Variants in SULF2 observed in about 807,000 individuals in gnomAD.
The protein encoded by SULF2 is extracellular sulfatase Sulf-2.
In SULF2, 52 loss-of-function variants were observed where a neutral mutation model predicts 107.7. The observed-to-expected ratio is 0.48, with a 90% CI of 0.39 to 0.61. The LOEUF (loss-of-function observed/expected upper bound fraction) is 0.61. SULF2 is among the 20% of genes least tolerant of loss of function. SULF2 has a pLI of 0.00. For synonymous variants in SULF2, 460 were observed against 464.3 expected, an observed-to-expected ratio of 0.99 and a Z score of 0.12; for missense variants, 993 against 1,177.3, an observed-to-expected ratio of 0.84 and a Z score of 2.29.
chr20:47,777,624 A>G (rs1366404858), intron 1 of SULF2, among the ~76,000 whole-genome samples: 3 of 152,208 alleles, frequency 2.0e-5, no homozygotes, highest in Non-Finnish European at 2.9e-5. Flanking sequence ...GATTCCTCAT[A>G]ATGAAACCAT....
At chr20:47,695,563 C>G (rs1220354547) in intron 4 of SULF2, among the ~76,000 whole-genome samples, 1 of 152,196 alleles carries the variant, frequency 6.6e-6, no homozygotes, top group East Asian at 1.9e-4. Context: ...GTTTATTTCA[C>G]TTAGCATAAT....
chr20:47,668,507 G>A (rs919672303), intron 11 of SULF2, among the ~76,000 whole-genome samples: 1 of 152,200 alleles, frequency 6.6e-6, no homozygotes, highest in African/African-American at 2.4e-5. Flanking sequence ...ACAGGGAATG[G>A]GACAGGACTT....
chr20:47,758,962 C>T (rs2146915848), intron 1 of SULF2, among the ~76,000 whole-genome samples: 1 of 152,312 alleles, frequency 6.6e-6, no homozygotes, highest in Admixed American at 6.5e-5. Context: ...GTGCTGCCTG[C>T]TTCATCTCTC....
At chr20:47,684,883 T>C in intron 5 of SULF2, 1 of 282,828 alleles carries the variant, frequency 3.5e-6, no homozygotes. Context: ...GCAAAGTCTG[T>C]TTGGTGCTAG....
At chr20:47,722,219 T>G (rs1161882310) in intron 3 of SULF2, among the ~76,000 whole-genome samples, 1 of 152,224 alleles carries the variant, frequency 6.6e-6, no homozygotes, top group Non-Finnish European at 1.5e-5. Context: ...TTGTTTTTAT[T>G]TTTTTGCTGA....
At chr20:47,759,251 T>C (rs73136828) in intron 1 of SULF2, among the ~76,000 whole-genome samples, 38,640 of 152,108 alleles carry the variant, frequency 0.25, 5,767 homozygotes, top group Non-Finnish European at 0.34. Flanking sequence ...AGATGCAAAC[T>C]TCTTGCCAGG....
chr20:47,676,709 C>A (rs930046879), intron 9 of SULF2, 86 bp from the exon 10 acceptor site: 3 of 1,489,570 alleles, frequency 2.0e-6, no homozygotes, highest in African/African-American at 2.8e-5. Context: ...TAGAGGGGTG[C>A]CCCCTCGGCT....
Position 47,690,161 on chromosome 20 carries a change from T to C in SULF2, c.702A>G (p.Gln234=), listed in dbSNP as rs778104814. ...APHGPEDSAP[Q]YSRLFPNASQ... is the part of the protein sequence containing the mutation. ...ATGCGTTTGGGAAGAGGCGTGAATA[T>C]TGTGGGGCTGAATCCTCAGGGCCGT... The change falls in exon 5 of 21, where the codon CAA becomes CAG. Residue 234 remains glutamine, a synonymous_variant. Coordinates refer to ENST00000688720, the MANE Select transcript of SULF2 (RefSeq NM_001387048.1). 3.2e-6 allele frequency: 5 copies of C among 1,543,820 alleles called. No individual in the cohort carries two copies. Among genetic ancestry groups the C allele is most frequent in the Non-Finnish European group, 3.5e-6 (4 of 1,140,702 alleles).
At chr20:47,755,205 G>A (rs2090253199) in intron 2 of SULF2, among the ~76,000 whole-genome samples, 1 of 152,190 alleles carries the variant, frequency 6.6e-6, no homozygotes, top group South Asian at 2.1e-4. Context: ...TTTTCCATCT[G>A]TCAAATGGAG....
At position 47,690,187 on chromosome 20, in the gene SULF2, G is replaced by C; in HGVS notation, c.676C>G (p.His226Asp). The C allele has an allele frequency of 6.4e-7, 1 of 1,568,764 alleles. No individual in the cohort carries two copies. The highest frequency in any genetic ancestry group is 8.7e-7 in the Non-Finnish European group (1 of 1,154,090). The change falls in exon 5 of 21, where the codon CAC (histidine) becomes GAC (aspartate). Residue 226 changes from histidine (H) to aspartate (D), a missense_variant. Physicochemically the swap from His to Asp is moderately conservative, Grantham distance 81. This residue lies in a region of SULF2 where 388 missense variants were observed against 449.2 expected (regional missense o/e 0.86). Coordinates refer to ENST00000688720, the MANE Select transcript of SULF2 (RefSeq NM_001387048.1). ...TGTGGGGCTGAATCCTCAGGGCCGTGGGGGGCTGCATGGCTGATGACCATG... is the reference window on the plus strand; with the variant it reads ...TGTGGGGCTGAATCCTCAGGGCCGTCGGGGGCTGCATGGCTGATGACCATG... Reference protein sequence around the residue: ...VLMVISHAAPHGPEDSAPQYS... With the variant: ...VLMVISHAAPDGPEDSAPQYS...
intron 14 of SULF2, 92 bp downstream of exon 14, chr20:47,665,107 A>C (rs1253921489): frequency 3.5e-6 from 3 of 850,444 alleles, no homozygotes; most frequent in East Asian, 4.8e-5. Flanking sequence ...GATAAAAATA[A>C]AAAATGAAAG....
chr20:47,677,041 G>A (rs772262775), intron 9 of SULF2, 37 bp downstream of exon 9: 1 of 1,606,860 alleles, frequency 6.2e-7, no homozygotes, highest in South Asian at 1.1e-5. Flanking sequence ...AGGGAGGGAG[G>A]TGGGCAGGGG....
At chr20:47,780,893 G>A (rs1042680061) in intron 1 of SULF2, among the ~76,000 whole-genome samples, 4 of 152,174 alleles carry the variant, frequency 2.6e-5, no homozygotes, top group South Asian at 4.2e-4. Flanking sequence ...CCTGCATTAG[G>A]CAGGAAGACA....
intron 2 of SULF2, among the ~76,000 whole-genome samples, chr20:47,756,591 G>A (rs2090289548): frequency 1.3e-5 from 2 of 151,410 alleles, no homozygotes; most frequent in South Asian, 4.2e-4. Context: ...ATGATTGACA[G>A]TCTTTGCCAC....
At chr20:47,689,280 G>C (rs565813682) in intron 5 of SULF2, among the ~76,000 whole-genome samples, 1 of 152,216 alleles carries the variant, frequency 6.6e-6, no homozygotes, top group Non-Finnish European at 1.5e-5. Flanking sequence ...TAGAAGGACC[G>C]GTCTGTGTGA....
chr20:47,680,292 G>A lies in SULF2; in HGVS notation c.1065-1488C>T, dbSNP rs977455361. On this transcript the variant is annotated intron_variant, in intron 7 of 20. Coordinates refer to ENST00000688720, the MANE Select transcript of SULF2 (RefSeq NM_001387048.1). This position sits in a 1 kb window ranked among gnomAD's most constrained non-coding sequence, Gnocchi z 4.2. ...TAATTTTTGTACTTTTAGTAGAGGT[G>A]GGGTTTCACCATGTTGGCCAGGCTA... Among the ~76,000 whole-genome samples, 1 of 152,214 alleles carries A rather than the reference G, an allele frequency of 6.6e-6. No individual in the cohort carries two copies. The highest frequency in any genetic ancestry group is 1.9e-4 in the East Asian group (1 of 5,176).
chr20:47,735,176 G>A (rs1273442362), intron 3 of SULF2, among the ~76,000 whole-genome samples: 7 of 152,114 alleles, frequency 4.6e-5, no homozygotes, highest in African/African-American at 1.7e-4. Flanking sequence ...GCTGTGAAAT[G>A]AGGGGGATTG....
At chr20:47,728,457 G>C (rs950183707) in intron 3 of SULF2, among the ~76,000 whole-genome samples, 2 of 152,030 alleles carry the variant, frequency 1.3e-5, no homozygotes, top group African/African-American at 4.8e-5. Flanking sequence ...GGAGAGGAGA[G>C]AAACGGGAGA....
intron 3 of SULF2, among the ~76,000 whole-genome samples, chr20:47,727,947 C>T (rs1310921323): frequency 3.9e-5 from 6 of 152,194 alleles, no homozygotes; most frequent in Non-Finnish European, 5.9e-5. Flanking sequence ...AAGATGTGCA[C>T]GGAGGCGGCA....
Sources: gnomAD v4.1 joint callset for allele counts (sites outside exome capture counted in the v4.1 genomes callset) on GRCh38, gnomAD v4.1.1 for gene constraint, gnomAD v4.1.1 regional missense constraint, Gnocchi (gnomAD v3.1) non-coding constraint, MANE v1.5 for transcripts, NCBI Gene and HGNC (gene_info 2026-07-23, HGNC 2026-07-21) for gene names.